Variants in NKIRAS1 observed in about 807,000 individuals in gnomAD.
NKIRAS1 encodes the protein NF-kappa-B inhibitor-interacting Ras-like protein 1.
NKIRAS1 carries 16 observed loss-of-function variants against 19.8 expected under a neutral mutation model. The ratio of observed to expected loss-of-function variants is 0.81; its 90% confidence interval spans 0.55 to 1.23. NKIRAS1 has a LOEUF of 1.23. Ranked by LOEUF, NKIRAS1 falls within the 50% of genes most tolerant of loss-of-function variation. The probability of loss-of-function intolerance (pLI) is 0.00; values close to 1 mark genes in which losing one functional copy is unlikely to be tolerated. For synonymous variants in NKIRAS1, 88 were observed against 79.0 expected (o/e 1.11, Z -0.61); for missense variants, 184 against 220.0 (o/e 0.84, Z 1.04).
At chr3:23,917,655 G>T, upstream of NKIRAS1, 1 of 573,688 alleles carries the variant, frequency 1.7e-6, no homozygotes, top group South Asian at 2.1e-5. Context: ...CTCTGTGCTG[G>T]GGTTGCGGAA....
chr3:23,935,939 C>G (rs190992374), intron 1 of NKIRAS1, among the ~76,000 whole-genome samples: 323 of 151,694 alleles, frequency 2.1e-3, no homozygotes, highest in African/African-American at 7.4e-3. Flanking sequence ...AAAAATTAGC[C>G]CGGTATGGTG....
At position 23,927,808 on chromosome 3, in the gene NKIRAS1, G is replaced by A. The variant is rs1267616800; in HGVS notation, c.-139-16358C>T. Among the ~76,000 whole-genome samples, 2 of 152,126 alleles carry A rather than the reference G, an allele frequency of 1.3e-5. No individual in the cohort carries two copies. Among genetic ancestry groups the A allele is most frequent in the Non-Finnish European group, 2.9e-5 (2 of 68,032 alleles). On this transcript the variant is annotated intron_variant, in intron 1 of 4. Transcript: ENST00000421515. The surrounding 1 kb of genome is among the most constrained non-coding windows in gnomAD (Gnocchi z 4.0). ...AAATGATCATCCAAGGCTGGGCATG[G>A]TGGCTCATACCTGTAATCCTAGAAA...
intron 4 of NKIRAS1, among the ~76,000 whole-genome samples, chr3:23,895,961 T>C (rs1247903192): frequency 6.6e-6 from 1 of 151,648 alleles, no homozygotes; most frequent in Non-Finnish European, 1.5e-5. Context: ...GGTGAAACCC[T>C]ATCTCTACTA....
intron 3 of NKIRAS1, among the ~76,000 whole-genome samples, chr3:23,902,172 G>A (rs1702586505): frequency 6.6e-6 from 1 of 152,102 alleles, no homozygotes; most frequent in East Asian, 1.9e-4. Context: ...ATCATACTAT[G>A]TTATAGTTTT....
chr3:23,889,986 T>A lies in NKIRAS1; in HGVS notation c.*3109A>T, dbSNP rs1024625324. 6.4e-6 allele frequency: 1 copy of A among 155,684 alleles called. No homozygotes were observed. Among genetic ancestry groups the A allele is most frequent in the Non-Finnish European group, 1.4e-5 (1 of 71,414 alleles). The allele number at this position is 155,684 out of a possible 1,614,324, so 9.6% of individuals were successfully genotyped here. A position where few individuals can be genotyped will look rare whatever the true frequency, so the allele number is the denominator to read the frequency against. The stretch of plus-strand genomic sequence containing the variant: ...AAACCAAATATAAATTTATTAAAGA[T>A]CCTAAGATTCAGAGAAATACTATAC... On this transcript the variant is annotated 3_prime_UTR_variant, in exon 5 of 5. Transcript: ENST00000425478.
chr3:23,938,489 G>C (rs1705437501), intron 1 of NKIRAS1, among the ~76,000 whole-genome samples: 1 of 152,164 alleles, frequency 6.6e-6, no homozygotes, highest in South Asian at 2.1e-4. Context: ...TATGATTACA[G>C]GTGTGAGCCA....
intron 4 of NKIRAS1, among the ~76,000 whole-genome samples, chr3:23,894,495 C>T (rs890773758): frequency 6.6e-6 from 1 of 152,154 alleles, no homozygotes; most frequent in African/African-American, 2.4e-5. Context: ...TCCTGTCATT[C>T]TTCATCACCC....
At chr3:23,918,297 C>A, upstream of NKIRAS1, 2 of 1,040,438 alleles carry the variant, frequency 1.9e-6, no homozygotes, top group Non-Finnish European at 2.8e-6. Flanking sequence ...TTGAAAAAGA[C>A]TGGGATGTGT....
chr3:23,938,051 T>C (rs911727760), intron 1 of NKIRAS1, among the ~76,000 whole-genome samples: 2 of 152,138 alleles, frequency 1.3e-5, no homozygotes. Flanking sequence ...TCCTCAAAAA[T>C]AGAGTGGAAC....
chr3:23,935,903 A>C (rs1705383265), intron 1 of NKIRAS1, among the ~76,000 whole-genome samples: 1 of 151,888 alleles, frequency 6.6e-6, no homozygotes, highest in Non-Finnish European at 1.5e-5. Flanking sequence ...AACACAGCAA[A>C]ACCTCGTCTC....
chr3:23,918,541 C>A (rs146413350), upstream of NKIRAS1: 67 of 1,613,822 alleles, frequency 4.2e-5, no homozygotes, highest in Admixed American at 2.2e-4. Context: ...TGTTAACCAG[C>A]TAAAGTTTGC....
At chr3:23,898,040 C>A (rs867474285) in intron 4 of NKIRAS1, among the ~76,000 whole-genome samples, 27 of 151,942 alleles carry the variant, frequency 1.8e-4, no homozygotes. Flanking sequence ...AGAAGCAAAG[C>A]CAAGATTTAA....
At chr3:23,930,976 C>T (rs1165053241) in intron 1 of NKIRAS1, among the ~76,000 whole-genome samples, 2 of 151,950 alleles carry the variant, frequency 1.3e-5, no homozygotes, top group Non-Finnish European at 2.9e-5. Flanking sequence ...CCACCACAGC[C>T]AGCCAAAATA....
rs1701402027 is a variant in NKIRAS1, at chr3:23,890,846, C to G, written c.*2249G>C. The G allele has an allele frequency of 2.8e-6, 1 of 359,118 alleles. No individual in the cohort carries two copies. Among genetic ancestry groups the G allele is most frequent in the African/African-American group, 2.1e-5 (1 of 47,376 alleles). 22.2% of individuals were successfully genotyped at this position (359,118 alleles called of 1,614,324 possible). A position where few individuals can be genotyped will look rare whatever the true frequency, so the allele number is the denominator to read the frequency against. On this transcript the variant is annotated 3_prime_UTR_variant, in exon 5 of 5. Transcript: ENST00000425478. Reference sequence around the variant, plus strand: ...CTGCAATATTAGCTGAAATGTAGTACAGAAAAGAATGTACATTTAGACATT... The same window carrying G: ...CTGCAATATTAGCTGAAATGTAGTAGAGAAAAGAATGTACATTTAGACATT...
chr3:23,909,961 C>A (rs576417576), intron 3 of NKIRAS1, among the ~76,000 whole-genome samples: 3 of 148,752 alleles, frequency 2.0e-5, no homozygotes, highest in Non-Finnish European at 1.5e-5. Context: ...CACATTCAAG[C>A]GATTCTCCTA....
intron 1 of NKIRAS1, among the ~76,000 whole-genome samples, chr3:23,934,790 A>T (rs1705365832): frequency 6.6e-6 from 1 of 151,726 alleles, no homozygotes; most frequent in Non-Finnish European, 1.5e-5. Flanking sequence ...TTTCAGAGGT[A>T]TTTTTCCCTC....
chr3:23,911,115 G>T (rs1040353153), intron 2 of NKIRAS1, among the ~76,000 whole-genome samples, 194 bp from the exon 3 acceptor site: 8 of 152,140 alleles, frequency 5.3e-5, no homozygotes, highest in Admixed American at 3.9e-4. Flanking sequence ...AGAGCAATAA[G>T]CATTATCAGT....
intron 3 of NKIRAS1, among the ~76,000 whole-genome samples, chr3:23,903,204 C>T (rs931849626): frequency 1.3e-5 from 2 of 152,180 alleles, no homozygotes; most frequent in African/African-American, 4.8e-5. Flanking sequence ...GCCTCAACCT[C>T]CTGGGCTCAA....
At position 23,936,768 on chromosome 3, in the gene NKIRAS1, G is replaced by C. The variant is rs146272165; in HGVS notation, c.-140+9555C>G. ...TCACTGTGTTAGCCAGGATGGTCTC[G>C]ATCTCCTGACCTTGTGATCCGCCTG... is the stretch of plus-strand genomic sequence containing the variant. On this transcript the variant is annotated intron_variant, in intron 1 of 4. Transcript: ENST00000421515. 7.2e-3 allele frequency among the ~76,000 whole-genome samples: 1,095 copies of C among 152,246 alleles called. 5 individuals carry two copies. Among genetic ancestry groups the C allele is most frequent in the Non-Finnish European group, 0.011 (732 of 68,004 alleles).
Sources: allele counts gnomAD v4.1 joint callset (sites outside exome capture counted in the v4.1 genomes callset), GRCh38; gene constraint gnomAD v4.1.1; non-coding constraint Gnocchi (gnomAD v3.1); transcripts MANE v1.5; gene names NCBI Gene and HGNC (gene_info 2026-07-23, HGNC 2026-07-21).